The following COL15A1 variants were observed in gnomAD, a reference collection of about 807,000 sequenced individuals.
The protein encoded by COL15A1 is collagen alpha-1(XV) chain.
Under a neutral mutation model 165.9 loss-of-function variants are expected in COL15A1, and 111 were observed. The observed-to-expected ratio is 0.67, with a 90% CI of 0.57 to 0.78. COL15A1 has a LOEUF of 0.78. Ranked by LOEUF, COL15A1 falls within the 30% of genes least tolerant of loss-of-function variation. COL15A1 has a pLI of 0.00. For missense variants in COL15A1, 1,745 were observed against 1,789.7 expected (o/e 0.98, Z 0.45); for synonymous variants, 659 against 674.8 (o/e 0.98, Z 0.36).
At chr9:99,049,361 C>T (rs1189518274) in intron 28 of COL15A1, among the ~76,000 whole-genome samples, 4 of 152,240 alleles carry the variant, frequency 2.6e-5, no homozygotes, top group African/African-American at 4.8e-5. Context: ...TCAGTATCAA[C>T]TGGGTGTCAG....
At chr9:99,036,230 G>C in intron 20 of COL15A1, 25 bp downstream of exon 20, 5 of 1,613,446 alleles carry the variant, frequency 3.1e-6, no homozygotes, top group Non-Finnish European at 4.2e-6. Flanking sequence ...CCAAGGTGGG[G>C]GTGGGAGGGC....
intron 2 of COL15A1, among the ~76,000 whole-genome samples, chr9:98,956,385 T>G (rs1837776832): frequency 6.6e-6 from 1 of 152,224 alleles, no homozygotes; most frequent in African/African-American, 2.4e-5. Context: ...TATATAGTGC[T>G]TTTTATGTGC....
intron 33 of COL15A1, 41 bp downstream of exon 33, chr9:99,055,192 GT>G (rs2117918158): frequency 6.2e-7 from 1 of 1,601,160 alleles, no homozygotes; most frequent in East Asian, 2.2e-5. Context: ...TGTTTTTCAG[GT>G]TTTGGTTTAT....
chr9:98,976,973 C>T (rs1448434460), intron 2 of COL15A1, among the ~76,000 whole-genome samples: 1 of 152,048 alleles, frequency 6.6e-6, no homozygotes, highest in African/African-American at 2.4e-5. Context: ...ACAGCATACA[C>T]AAAGGCTCAA....
At position 99,040,804 on chromosome 9, in the gene COL15A1, C is replaced by A. The variant is rs1488153007; in HGVS notation, c.2511+248C>A. ...AAAGTGCTGGGATTACAAGCATGAGCCCCTGAGCCTGGCTGATTTTCTGAA... is the reference window on the plus strand; with the variant it reads ...AAAGTGCTGGGATTACAAGCATGAGACCCTGAGCCTGGCTGATTTTCTGAA... On this transcript the variant is annotated intron_variant, in intron 23 of 41. Transcript: ENST00000375001. 8.7e-6 allele frequency: 5 copies of A among 577,664 alleles called. No individual in the cohort carries two copies. In the African/African-American group the frequency reaches 9.3e-5, roughly 11 times the overall value. The allele number at this position is 577,664 out of a possible 1,614,324, so 35.8% of individuals were successfully genotyped here.
At chr9:99,053,262 C>G (rs983360292) in intron 31 of COL15A1, among the ~76,000 whole-genome samples, 4 of 152,216 alleles carry the variant, frequency 2.6e-5, no homozygotes, top group Non-Finnish European at 4.4e-5. Flanking sequence ...GTCACCCCGG[C>G]CCACGAGGTG....
chr9:98,958,268 A>G (rs539504609), intron 2 of COL15A1, among the ~76,000 whole-genome samples: 1 of 152,366 alleles, frequency 6.6e-6, no homozygotes, highest in East Asian at 1.9e-4. Flanking sequence ...TAGCATGAAC[A>G]TGCTAGGATA....
Position 99,036,349 on chromosome 9 carries a change from C to A in COL15A1, c.2362C>A (p.Pro788Thr), listed in dbSNP as rs1839302007. 1.2e-6 allele frequency: 2 copies of A among 1,614,010 alleles called. No homozygotes were observed. The highest frequency in any genetic ancestry group is 1.7e-6 in the Non-Finnish European group (2 of 1,180,040). Reference protein sequence around the residue: ...RGMDGASIVGPPGPRGPPGHI... With the variant: ...RGMDGASIVGTPGPRGPPGHI... ...GATGGATGGAGCCAGTATTGTGGGACCCCCTGGGCCGAGAGGGCCACCTGG... is the reference window on the plus strand; with the variant it reads ...GATGGATGGAGCCAGTATTGTGGGAACCCCTGGGCCGAGAGGGCCACCTGG... Residue 788 changes from proline (P) to threonine (T), a missense_variant, in exon 21 of 42, where the codon CCC (proline) becomes ACC (threonine). By Grantham distance (38) the Pro-to-Thr change is conservative. Coordinates refer to ENST00000375001, the MANE Select transcript of COL15A1 (RefSeq NM_001855.5).
At chr9:99,023,236 A>G (rs1839057140) in intron 13 of COL15A1, 121 bp from the exon 14 acceptor site, 1 of 1,248,374 alleles carries the variant, frequency 8.0e-7, no homozygotes, top group Non-Finnish European at 1.1e-6. Flanking sequence ...AACGGGGAGC[A>G]GAAGTTATCG....
intron 36 of COL15A1, among the ~76,000 whole-genome samples, chr9:99,060,249 T>A (rs1257337050): frequency 7.9e-6 from 1 of 127,320 alleles, no homozygotes; most frequent in Admixed American, 7.4e-5. Flanking sequence ...TATATATATA[T>A]ATATATATTT....
At chr9:99,009,280 C>A (rs1042884875) in intron 9 of COL15A1, among the ~76,000 whole-genome samples, 10 of 152,226 alleles carry the variant, frequency 6.6e-5, no homozygotes, top group Non-Finnish European at 1.5e-4. Context: ...TTGGTTACTT[C>A]TGTGGCATAC....
rs201374090 is a variant in COL15A1 at position 99,054,543 on chromosome 9, A to AT, written c.2951-24dup. The stretch of plus-strand genomic sequence containing the variant: ...TTATATAGAAAGAAGGTGATTTTCC[A>AT]TTTTTTTTTAACATGTATGTGTTTG... On this transcript the variant is annotated intron_variant, in intron 31 of 41. Coordinates refer to ENST00000375001, the MANE Select transcript of COL15A1 (RefSeq NM_001855.5). 1.2e-3 allele frequency: 1,800 copies of AT among 1,543,760 alleles called. 5 individuals carry two copies. Among genetic ancestry groups the AT allele is most frequent in the African/African-American group, 6.1e-3 (437 of 71,500 alleles).
At chr9:99,048,185 C>CCT (rs1408018592) in intron 28 of COL15A1, among the ~76,000 whole-genome samples, 185 bp downstream of exon 28, 1 of 152,194 alleles carries the variant, frequency 6.6e-6, no homozygotes, top group Non-Finnish European at 1.5e-5. Context: ...GTCCTGCCAC[C>CCT]TAAAACACCT....
At chr9:98,980,151 C>A (rs1476060732) in intron 2 of COL15A1, among the ~76,000 whole-genome samples, 3 of 132,658 alleles carry the variant, frequency 2.3e-5, no homozygotes, top group African/African-American at 9.5e-5. Flanking sequence ...CAGAGCAAGA[C>A]TCTTGTCTCA....
chr9:99,038,636 T>C (rs1466155846), intron 21 of COL15A1, 32 bp from the exon 22 acceptor site: 1 of 1,355,088 alleles, frequency 7.4e-7, no homozygotes, highest in Non-Finnish European at 1.1e-6. Context: ...ATGCCATCCT[T>C]TGTCCTCATT....
intron 12 of COL15A1, among the ~76,000 whole-genome samples, chr9:99,020,867 C>T (rs1035977311): frequency 6.6e-6 from 1 of 152,206 alleles, no homozygotes; most frequent in Admixed American, 6.5e-5. Context: ...CTTTTTGTAG[C>T]TGTGGGATCT....
chr9:98,967,593 T>G lies in COL15A1; in HGVS notation c.101-17972T>G, dbSNP rs140672445. ...GGACTTAGCATCCCAACAGCCTGGC[T>G]GGGAGGTGGCTTGAATGCTGTGCTA... On this transcript the variant is annotated intron_variant, in intron 2 of 41. Transcript: ENST00000375001. Among the ~76,000 whole-genome samples the G allele has an allele frequency of 3.7e-3, 562 of 152,334 alleles. 2 individuals are homozygous for G. The highest frequency in any genetic ancestry group is 0.027 in the Middle Eastern group (8 of 294).
At chr9:98,989,023 G>GACACACGC (rs1838368337) in intron 4 of COL15A1, among the ~76,000 whole-genome samples, 155 bp from the exon 5 acceptor site, 1 of 144,296 alleles carries the variant, frequency 6.9e-6, no homozygotes, top group Non-Finnish European at 1.5e-5. Context: ...GTCTCTCATA[G>GACACACGC]ACACACACAC....
chr9:98,996,512 C>T (rs1394182548), intron 5 of COL15A1, among the ~76,000 whole-genome samples: 3 of 152,232 alleles, frequency 2.0e-5, no homozygotes, highest in Non-Finnish European at 4.4e-5. Flanking sequence ...CTTTCATTTT[C>T]ATAGGTGTTT....
Sources: gnomAD v4.1 joint callset for allele counts (sites outside exome capture counted in the v4.1 genomes callset) on GRCh38, gnomAD v4.1.1 for gene constraint, MANE v1.5 for transcripts, NCBI Gene and HGNC (gene_info 2026-07-23, HGNC 2026-07-21) for gene names.